The following THSD7B variants were observed in gnomAD, a reference collection of about 807,000 sequenced individuals.
The protein encoded by THSD7B is thrombospondin type 1 domain containing 7B, also known as thrombospondin type-1 domain-containing protein 7B.
Under a neutral mutation model 213.6 loss-of-function variants are expected in THSD7B, and 138 were observed. The observed-to-expected ratio is 0.65, with a 90% CI of 0.56 to 0.74. The LOEUF (loss-of-function observed/expected upper bound fraction) is 0.74, where lower values mean the gene tolerates loss of function less well. THSD7B is among the 30% of genes least tolerant of loss of function. The pLI is 0.00. For synonymous variants in THSD7B, 742 were observed against 687.0 expected (o/e 1.08, Z -1.25); for missense variants, 1,931 against 1,991.5 (o/e 0.97, Z 0.58).
chr2:137,542,797 G>A (rs1680632927), intron 15 of THSD7B, among the ~76,000 whole-genome samples: 1 of 151,622 alleles, frequency 6.6e-6, no homozygotes, highest in Non-Finnish European at 1.5e-5. Flanking sequence ...AATCACAATC[G>A]TGTTGTACTA....
At chr2:136,785,309 GGAT>G (rs1210059499) in intron 1 of THSD7B, among the ~76,000 whole-genome samples, 1 of 152,148 alleles carries the variant, frequency 6.6e-6, no homozygotes, top group Non-Finnish European at 1.5e-5. Flanking sequence ...CTTGTCACTA[GGAT>G]GATGTTTGGC....
intron 15 of THSD7B, among the ~76,000 whole-genome samples, chr2:137,481,856 C>T (rs1288198291): frequency 6.6e-6 from 1 of 152,062 alleles, no homozygotes; most frequent in East Asian, 1.9e-4. Flanking sequence ...GGCATTATCC[C>T]CTTGGACTAT....
At chr2:136,902,646 C>A (rs1005840438) in intron 2 of THSD7B, among the ~76,000 whole-genome samples, 8 of 152,124 alleles carry the variant, frequency 5.3e-5, no homozygotes, top group Non-Finnish European at 1.2e-4. Context: ...CCACATTTTA[C>A]AATCTAAACA....
intron 27 of THSD7B, among the ~76,000 whole-genome samples, chr2:137,668,810 A>T (rs10176739): frequency 0.24 from 36,658 of 152,070 alleles, 4,922 homozygotes; most frequent in East Asian, 0.37. Flanking sequence ...AATCATAAGG[A>T]ATACAAAATA....
intron 12 of THSD7B, among the ~76,000 whole-genome samples, chr2:137,370,741 T>A (rs1401266484): frequency 1.3e-5 from 2 of 152,126 alleles, no homozygotes; most frequent in African/African-American, 4.8e-5. Context: ...AATGCTGGAA[T>A]TACATGTGTG....
intron 7 of THSD7B, among the ~76,000 whole-genome samples, chr2:137,200,059 T>C (rs2375118): frequency 0.83 from 126,804 of 152,080 alleles, 53,810 homozygotes; most frequent in Middle Eastern, 0.94. Context: ...ACGTTGGAAA[T>C]GTGAATATTT....
At chr2:137,071,868 C>G (rs1322332717) in intron 3 of THSD7B, among the ~76,000 whole-genome samples, 3 of 152,184 alleles carry the variant, frequency 2.0e-5, no homozygotes, top group African/African-American at 7.2e-5. Flanking sequence ...ACAGGGAATC[C>G]TTTCCCCATT....
chr2:136,867,291 T>C (rs1683349036), intron 1 of THSD7B, among the ~76,000 whole-genome samples: 1 of 152,210 alleles, frequency 6.6e-6, no homozygotes, highest in African/African-American at 2.4e-5. Context: ...ATTAATTCAG[T>C]GGACATTTTG....
chr2:137,233,344 A>C (rs1359385041), intron 9 of THSD7B, among the ~76,000 whole-genome samples: 1 of 152,248 alleles, frequency 6.6e-6, no homozygotes, highest in African/African-American at 2.4e-5. Flanking sequence ...TATAACATGT[A>C]TTAATATATC....
intron 1 of THSD7B, among the ~76,000 whole-genome samples, chr2:136,866,257 T>C (rs562482573): frequency 1.3e-5 from 2 of 149,312 alleles, no homozygotes; most frequent in East Asian, 3.9e-4. Context: ...TTTTAATGCT[T>C]TTAAGAAGTT....
At chr2:137,101,676 C>T (rs187215898) in intron 4 of THSD7B, among the ~76,000 whole-genome samples, 6 of 152,262 alleles carry the variant, frequency 3.9e-5, no homozygotes, top group African/African-American at 4.8e-5. Flanking sequence ...AGTCTGAAGT[C>T]GACCTGGGAT....
At chr2:137,620,787 C>T in intron 20 of THSD7B, 61 bp downstream of exon 20, 5 of 1,367,202 alleles carry the variant, frequency 3.7e-6, no homozygotes, top group Non-Finnish European at 5.2e-6. Flanking sequence ...ATTCAGTATG[C>T]CATAGCTTGA....
At chr2:136,970,035 G>A (rs949693274) in intron 2 of THSD7B, among the ~76,000 whole-genome samples, 1 of 151,928 alleles carries the variant, frequency 6.6e-6, no homozygotes, top group African/African-American at 2.4e-5. Context: ...GAGAGAAATA[G>A]GAGAAAATAT....
intron 5 of THSD7B, among the ~76,000 whole-genome samples, chr2:137,122,853 T>G (rs1688567578): frequency 6.6e-6 from 1 of 152,114 alleles, no homozygotes; most frequent in East Asian, 1.9e-4. Context: ...TTCTGGGAGT[T>G]CTTTGAGATG....
intron 2 of THSD7B, among the ~76,000 whole-genome samples, chr2:137,041,589 C>A (rs532161109): frequency 6.7e-6 from 1 of 149,504 alleles, no homozygotes; most frequent in Non-Finnish European, 1.5e-5. Flanking sequence ...CTACATCGTA[C>A]GTAAGAAACA....
At chr2:136,980,801 G>A (rs1573747331) in intron 2 of THSD7B, among the ~76,000 whole-genome samples, 1 of 152,166 alleles carries the variant, frequency 6.6e-6, no homozygotes, top group African/African-American at 2.4e-5. Flanking sequence ...ACTAATCTGT[G>A]GAAAATTCAT....
chr2:136,800,669 C>T (rs559156733), intron 1 of THSD7B, among the ~76,000 whole-genome samples: 1 of 151,186 alleles, frequency 6.6e-6, no homozygotes, highest in East Asian at 1.9e-4. Context: ...TTTCAAGTAA[C>T]TGCAGATTTG....
chr2:137,538,464 A>C (rs186759621), intron 15 of THSD7B: 1 of 515,258 alleles, frequency 1.9e-6, no homozygotes, highest in Middle Eastern at 3.2e-4. Flanking sequence ...CTTATCATGC[A>C]CTGCTAACAT....
intron 7 of THSD7B, among the ~76,000 whole-genome samples, chr2:137,209,988 G>A (rs900112659): frequency 6.6e-6 from 1 of 152,108 alleles, no homozygotes; most frequent in African/African-American, 2.4e-5. Context: ...TGGAAGGCAT[G>A]TATACAGAAG....
Sources: allele counts gnomAD v4.1 joint callset (sites outside exome capture counted in the v4.1 genomes callset), GRCh38; gene constraint gnomAD v4.1.1; transcripts MANE v1.5; gene names NCBI Gene and HGNC (gene_info 2026-07-23, HGNC 2026-07-21).